The following ATXN7L1 variants were observed in gnomAD, a reference collection of about 807,000 sequenced individuals.
ATXN7L1 encodes the protein ataxin 7 like 1, also known as ataxin-7-like protein 1.
In ATXN7L1, 15 loss-of-function variants were observed where a neutral mutation model predicts 70.8. The ratio of observed to expected loss-of-function variants is 0.21; its 90% CI spans 0.14 to 0.33. ATXN7L1 has a LOEUF of 0.33. ATXN7L1 is among the 10% of genes least tolerant of loss of function. ATXN7L1 has a pLI of 1.00. For missense variants in ATXN7L1, 975 were observed against 1,097.1 expected, an observed-to-expected ratio of 0.89 and a Z score of 1.57; for synonymous variants, 440 against 445.1, an observed-to-expected ratio of 0.99 and a Z score of 0.14.
chr7:105,636,665 G>A (rs1277238822), intron 7 of ATXN7L1, among the ~76,000 whole-genome samples: 1 of 152,092 alleles, frequency 6.6e-6, no homozygotes, highest in Non-Finnish European at 1.5e-5. Flanking sequence ...GTTAGGCCAG[G>A]TACCACTGCT....
At chr7:105,871,299 T>G (rs946066419) in intron 2 of ATXN7L1, among the ~76,000 whole-genome samples, 32 of 152,268 alleles carry the variant, frequency 2.1e-4, no homozygotes, top group African/African-American at 7.7e-4. Context: ...TGTAGGAAGC[T>G]GACTCAAAGT....
At chr7:105,615,832 C>T (rs997845255) in intron 9 of ATXN7L1, among the ~76,000 whole-genome samples, 2 of 152,026 alleles carry the variant, frequency 1.3e-5, no homozygotes, top group Admixed American at 1.3e-4. Flanking sequence ...GAGCAAACTC[C>T]CTGGAGCCAA....
intron 3 of ATXN7L1, among the ~76,000 whole-genome samples, chr7:105,672,201 AC>A (rs1369269837): frequency 5.3e-5 from 8 of 151,322 alleles, no homozygotes; most frequent in Non-Finnish European, 1.2e-4. Context: ...CAGGAGAATC[AC>A]TTGAACCCTG....
At position 105,733,581 on chromosome 7, in the gene ATXN7L1, CCCAT is replaced by C. The variant is rs1234937909; in HGVS notation, c.355+55019_355+55022del. Among the ~76,000 whole-genome samples the C allele has an allele frequency of 8.7e-3, 175 of 20,118 alleles. 12 individuals carry two copies. Among genetic ancestry groups the C allele is most frequent in the Non-Finnish European group, 0.019 (151 of 7,900 alleles). The allele number at this position is 20,118 out of a possible 152,430, so 13.2% of individuals were successfully genotyped here. A position where few individuals can be genotyped will look rare whatever the true frequency, so the allele number is the denominator to read the frequency against. Reference sequence around the variant, plus strand: ...ACCCATCCATCCTTCCATCCATCCACCCATCCATCCATCCATCCATCCACCCATC... The same window carrying C: ...ACCCATCCATCCTTCCATCCATCCACCCATCCATCCATCCATCCACCCATC... On this transcript the variant is annotated intron_variant, in intron 3 of 11. Transcript: ENST00000419735.
intron 7 of ATXN7L1, among the ~76,000 whole-genome samples, chr7:105,632,921 TA>T (rs11417434): frequency 0.044 from 2,612 of 59,946 alleles, 41 homozygotes; most frequent in East Asian, 0.11. Flanking sequence ...ATCTTGTCTT[TA>T]AAAAAAAAAA....
chr7:105,840,783 C>T (rs1044740444), intron 2 of ATXN7L1, among the ~76,000 whole-genome samples: 1 of 152,186 alleles, frequency 6.6e-6, no homozygotes, highest in South Asian at 2.1e-4. Flanking sequence ...AGTAACTTAC[C>T]GGCGGTGAGC....
chr7:105,647,844 G>A (rs1799277711), intron 4 of ATXN7L1, among the ~76,000 whole-genome samples: 1 of 152,190 alleles, frequency 6.6e-6, no homozygotes, highest in Admixed American at 6.5e-5. Flanking sequence ...CCAACTGTGT[G>A]TAACTGAGCT....
chr7:105,621,397 A>G (rs1794914120), intron 8 of ATXN7L1, among the ~76,000 whole-genome samples: 1 of 152,162 alleles, frequency 6.6e-6, no homozygotes, highest in South Asian at 2.1e-4. Flanking sequence ...GTTTTACGTT[A>G]TACACAGGAT....
intron 2 of ATXN7L1, among the ~76,000 whole-genome samples, chr7:105,852,605 C>T (rs1227406917): frequency 6.6e-6 from 1 of 151,996 alleles, no homozygotes; most frequent in African/African-American, 2.4e-5. Context: ...CTGCACAGGG[C>T]CCTTCCGCAC....
intron 2 of ATXN7L1, among the ~76,000 whole-genome samples, chr7:105,801,897 G>A (rs1450593247): frequency 1.3e-5 from 2 of 152,138 alleles, no homozygotes; most frequent in Admixed American, 6.5e-5. Context: ...CAGTGTATTG[G>A]CACACCACTG....
intron 2 of ATXN7L1, among the ~76,000 whole-genome samples, chr7:105,811,780 G>C (rs1389113374): frequency 6.6e-6 from 1 of 152,160 alleles, no homozygotes; most frequent in Non-Finnish European, 1.5e-5. Flanking sequence ...GAGCAGCCCA[G>C]GAGGTAGAAG....
rs182825970 is a variant in ATXN7L1, at chr7:105,725,032, T to C, written c.356-59744A>G. Among the ~76,000 whole-genome samples the C allele has an allele frequency of 5.7e-3, 875 of 152,224 alleles. 4 individuals carry two copies. Among genetic ancestry groups the C allele is most frequent in the Non-Finnish European group, 7.8e-3 (533 of 68,010 alleles). On this transcript the variant is annotated intron_variant, in intron 3 of 11. Transcript: ENST00000419735. ...GTGCCCTATAAAGATTGGTACTACC[T>C]GAATTCAGTACAACTTCATCTTTAC...
intron 2 of ATXN7L1, among the ~76,000 whole-genome samples, chr7:105,848,081 G>A (rs1463137410): frequency 2.0e-5 from 3 of 151,964 alleles, no homozygotes; most frequent in South Asian, 2.1e-4. Context: ...ATAGGCCAAT[G>A]GAAAATTAAG....
chr7:105,699,755 A>G (rs1193352945), intron 3 of ATXN7L1, among the ~76,000 whole-genome samples: 1 of 152,184 alleles, frequency 6.6e-6, no homozygotes, highest in African/African-American at 2.4e-5. Context: ...TTGCCCCATC[A>G]TCATGGGTGG....
At chr7:105,822,354 G>A (rs942520462) in intron 2 of ATXN7L1, among the ~76,000 whole-genome samples, 10 of 152,232 alleles carry the variant, frequency 6.6e-5, no homozygotes, top group African/African-American at 2.4e-4. Context: ...CTGTGAATGG[G>A]GAGGATGGTA....
intron 4 of ATXN7L1, among the ~76,000 whole-genome samples, chr7:105,659,181 A>C (rs537491308): frequency 6.6e-6 from 1 of 152,332 alleles, no homozygotes; most frequent in African/African-American, 2.4e-5. Flanking sequence ...CTTTTTTCCA[A>C]TGTGGCTGTT....
At position 105,670,686 on chromosome 7, in the gene ATXN7L1, G is replaced by A. The variant is rs576511068; in HGVS notation, c.356-5398C>T. ...TAAAAAAAAAAAAACTGATTTGGCC[G>A]GGCGTGGTGGCTGACATCTGTAATC... is the stretch of plus-strand genomic sequence containing the variant. On this transcript the variant is annotated intron_variant, in intron 3 of 11. Transcript: ENST00000419735. 2.6e-5 allele frequency among the ~76,000 whole-genome samples: 4 copies of A among 151,146 alleles called. No individual in the cohort carries two copies. The South Asian group carries it at 6.3e-4, about 24-fold the overall frequency.
chr7:105,725,903 CTTT>C (rs34850752), intron 3 of ATXN7L1, among the ~76,000 whole-genome samples: 12 of 130,714 alleles, frequency 9.2e-5, no homozygotes, highest in Admixed American at 2.3e-4. Context: ...TTCTTTCTTT[CTTT>C]TTTTTTTTTT....
At chr7:105,692,411 T>TTCCTTCCTTCCCTCCCTCCCTCCC (rs1281163461) in intron 3 of ATXN7L1, among the ~76,000 whole-genome samples, 6 of 119,416 alleles carry the variant, frequency 5.0e-5, no homozygotes, top group Non-Finnish European at 1.1e-4. Flanking sequence ...CCTTCCTTCC[T>TTCCTTCCTTCCCTCCCTCCCTCCC]TCCTTCCTTC....
Sources: gnomAD v4.1 joint callset for allele counts (sites outside exome capture counted in the v4.1 genomes callset) on GRCh38, gnomAD v4.1.1 for gene constraint, MANE v1.5 for transcripts, NCBI Gene and HGNC (gene_info 2026-07-23, HGNC 2026-07-21) for gene names.